Variants in COL23A1 observed in about 807,000 individuals in gnomAD.
The protein encoded by COL23A1 is collagen type XXIII alpha 1 chain.
Under a neutral mutation model 99.3 loss-of-function variants are expected in COL23A1, and 97 were observed. The observed-to-expected ratio is 0.98, with a 90% CI of 0.83 to 1.16. The LOEUF (loss-of-function observed/expected upper bound fraction) is 1.16. COL23A1 is among the 50% of genes most tolerant of loss of function. COL23A1 has a pLI of 0.00. For missense variants in COL23A1, 762 were observed against 757.4 expected (o/e 1.01, Z -0.07); for synonymous variants, 320 against 308.2 (o/e 1.04, Z -0.40).
intron 12 of COL23A1, among the ~76,000 whole-genome samples, chr5:178,258,182 T>C (rs1356480737): frequency 1.3e-5 from 2 of 149,868 alleles, no homozygotes; most frequent in Non-Finnish European, 3.0e-5. Context: ...TGCAGGGAGC[T>C]GTGATCATGC....
intron 2 of COL23A1, among the ~76,000 whole-genome samples, chr5:178,354,577 C>A (rs187291023): frequency 6.6e-6 from 1 of 152,040 alleles, no homozygotes; most frequent in African/African-American, 2.4e-5. Context: ...AGTTCTCGTG[C>A]GATCTGGCTG....
intron 2 of COL23A1, among the ~76,000 whole-genome samples, chr5:178,356,245 T>C (rs1277166472): frequency 1.3e-5 from 2 of 152,094 alleles, no homozygotes; most frequent in Non-Finnish European, 2.9e-5. Context: ...GGACTTCTTT[T>C]AGGGTGACGA....
At chr5:178,487,061 G>A (rs1159582391) in intron 2 of COL23A1, among the ~76,000 whole-genome samples, 3 of 140,826 alleles carry the variant, frequency 2.1e-5, no homozygotes, top group Non-Finnish European at 4.5e-5. Context: ...CTCAGTGCCT[G>A]AGAGTTCTGC....
At chr5:178,266,562 C>A (rs1419651512) in intron 8 of COL23A1, among the ~76,000 whole-genome samples, 10 of 152,146 alleles carry the variant, frequency 6.6e-5, no homozygotes, top group Admixed American at 6.5e-4. Flanking sequence ...CAGCTCCACA[C>A]ACCCACCAGG....
chr5:178,430,471 T>C (rs962895461), intron 2 of COL23A1, among the ~76,000 whole-genome samples: 1 of 152,192 alleles, frequency 6.6e-6, no homozygotes, highest in Non-Finnish European at 1.5e-5. Context: ...AGAGTAGTTC[T>C]GTGCTCGTGA....
chr5:178,412,977 T>C (rs1295554397), intron 2 of COL23A1, among the ~76,000 whole-genome samples: 1 of 151,826 alleles, frequency 6.6e-6, no homozygotes. Flanking sequence ...TACAACTTTT[T>C]CTATTCCAAT....
chr5:178,358,314 G>GTATGTGTATGTGTATGTATGTC (rs1488407049), intron 2 of COL23A1, among the ~76,000 whole-genome samples: 190 of 141,356 alleles, frequency 1.3e-3, no homozygotes, highest in South Asian at 0.013. Context: ...GTATGTGTGT[G>GTATGTGTATGTGTATGTATGTC]TATGTGTATG....
Position 178,240,875 on chromosome 5 carries a change from C to T in COL23A1, c.1581+1167G>A, listed in dbSNP as rs564516375. On this transcript the variant is annotated intron_variant, in intron 27 of 28. Transcript: ENST00000390654. ...GTCCAGTTTTAGTACGAAAACCCAG[C>T]TGTTCTGTTTTTCCTGTCTTTTCTG... Among the ~76,000 whole-genome samples, 3 of 152,306 alleles carry T rather than the reference C, an allele frequency of 2.0e-5. No individual in the cohort carries two copies. In the South Asian group the frequency reaches 6.2e-4, roughly 32 times the overall value.
intron 1 of COL23A1, among the ~76,000 whole-genome samples, chr5:178,585,353 A>C (rs1029509680): frequency 6.8e-6 from 1 of 147,782 alleles, no homozygotes; most frequent in Non-Finnish European, 1.5e-5. Context: ...CTCAGGTAAC[A>C]CTCTATGGCC....
At chr5:178,506,500 A>G (rs1459425695) in intron 2 of COL23A1, among the ~76,000 whole-genome samples, 10 of 152,164 alleles carry the variant, frequency 6.6e-5, no homozygotes, top group Admixed American at 5.9e-4. Context: ...ATGAGCAAAG[A>G]GCAATGCCTG....
intron 1 of COL23A1, among the ~76,000 whole-genome samples, chr5:178,585,439 G>C (rs560789855): frequency 6.6e-6 from 1 of 151,654 alleles, no homozygotes; most frequent in Non-Finnish European, 1.5e-5. Context: ...GTTGACACTG[G>C]GGTAACACTC....
intron 2 of COL23A1, among the ~76,000 whole-genome samples, chr5:178,331,168 T>C (rs1759996782): frequency 6.6e-6 from 1 of 152,240 alleles, no homozygotes; most frequent in Admixed American, 6.5e-5. Flanking sequence ...CTGCCTCCGC[T>C]GTCATGCTAT....
chr5:178,559,184 C>CA (rs1762430936), intron 2 of COL23A1, among the ~76,000 whole-genome samples: 1 of 152,206 alleles, frequency 6.6e-6, no homozygotes, highest in Admixed American at 6.5e-5. Flanking sequence ...AAGGCTAGCT[C>CA]AAGCTCAACC....
chr5:178,485,690 G>T (rs1014732299), intron 2 of COL23A1, among the ~76,000 whole-genome samples: 53 of 149,816 alleles, frequency 3.5e-4, no homozygotes, highest in African/African-American at 1.3e-3. Flanking sequence ...TGAGAGGCAG[G>T]AGAATCACCT....
At chr5:178,495,096 C>T (rs563386834) in intron 2 of COL23A1, among the ~76,000 whole-genome samples, 2 of 152,284 alleles carry the variant, frequency 1.3e-5, no homozygotes, top group African/African-American at 4.8e-5. Context: ...TGAGGTTTGC[C>T]CAGGACCCTG....
chr5:178,488,494 A>C (rs1581487986), intron 2 of COL23A1, among the ~76,000 whole-genome samples: 1 of 151,696 alleles, frequency 6.6e-6, no homozygotes, highest in Non-Finnish European at 1.5e-5. Context: ...CCTTTCCCTC[A>C]CCGCCACCGC....
At chr5:178,498,140 GA>G in intron 2 of COL23A1, among the ~76,000 whole-genome samples, 1 of 144,016 alleles carries the variant, frequency 6.9e-6, no homozygotes, top group East Asian at 2.0e-4. Context: ...GCCAAGGTGA[GA>G]GATCATTTGA....
chr5:178,267,036 G>A (rs1465998427), intron 8 of COL23A1, among the ~76,000 whole-genome samples: 1 of 152,206 alleles, frequency 6.6e-6, no homozygotes, highest in African/African-American at 2.4e-5. Flanking sequence ...TCCAGTCTGG[G>A]GTCACGTGCC....
intron 2 of COL23A1, among the ~76,000 whole-genome samples, chr5:178,405,136 C>T (rs1764690175): frequency 6.6e-6 from 1 of 152,228 alleles, no homozygotes; most frequent in South Asian, 2.1e-4. Context: ...ACTGGCAGCC[C>T]AAGGGCCAGA....
Sources: gnomAD v4.1 joint callset for allele counts (sites outside exome capture counted in the v4.1 genomes callset) on GRCh38, gnomAD v4.1.1 for gene constraint, MANE v1.5 for transcripts, NCBI Gene and HGNC (gene_info 2026-07-23, HGNC 2026-07-21) for gene names.